The following DCDC1 variants were observed in gnomAD, a reference collection of about 807,000 sequenced individuals.
The protein encoded by DCDC1 is doublecortin domain-containing protein 1.
A neutral mutation model predicts 178.3 loss-of-function variants in DCDC1; 200 were observed. That is an observed-to-expected ratio of 1.12 (90% CI 1.00 to 1.26). The LOEUF (loss-of-function observed/expected upper bound fraction) is 1.26. Ranked by LOEUF, DCDC1 falls within the 50% of genes most tolerant of loss-of-function variation. The pLI is 0.00. For missense variants in DCDC1, 1,983 were observed against 1,749.2 expected (o/e 1.13, Z -2.38); for synonymous variants, 690 against 604.8 (o/e 1.14, Z -2.07).
At chr11:31,157,998 C>T (rs1181397744) in intron 9 of DCDC1, among the ~76,000 whole-genome samples, 1 of 152,130 alleles carries the variant, frequency 6.6e-6, no homozygotes, top group Admixed American at 6.6e-5. Flanking sequence ...AAATCAAGCT[C>T]ATTAACCCAT....
chr11:31,106,042 A>T (rs1433112030), intron 13 of DCDC1, among the ~76,000 whole-genome samples: 1 of 152,200 alleles, frequency 6.6e-6, no homozygotes, highest in Non-Finnish European at 1.5e-5. Context: ...CAAAATATGC[A>T]TAAATTTCCT....
At chr11:31,334,062 A>T (rs1950147390) in intron 2 of DCDC1, among the ~76,000 whole-genome samples, 1 of 152,160 alleles carries the variant, frequency 6.6e-6, no homozygotes, top group Non-Finnish European at 1.5e-5. Flanking sequence ...TAATTCTTGG[A>T]GGCTTTGTTC....
intron 25 of DCDC1, among the ~76,000 whole-genome samples, chr11:30,918,653 AG>A (rs1946031259): frequency 6.6e-6 from 1 of 152,146 alleles, no homozygotes; most frequent in African/African-American, 2.4e-5. Context: ...AGCAGAGAAA[AG>A]AACAAATGAA....
chr11:31,258,955 T>C (rs1480927933), intron 8 of DCDC1, among the ~76,000 whole-genome samples: 5 of 152,082 alleles, frequency 3.3e-5, no homozygotes, highest in Admixed American at 1.3e-4. Context: ...ATTAAGATGT[T>C]TGGAATTCTT....
chr11:31,048,717 C>T (rs945656126), intron 20 of DCDC1, among the ~76,000 whole-genome samples: 3 of 152,006 alleles, frequency 2.0e-5, no homozygotes, highest in African/African-American at 7.2e-5. Flanking sequence ...ATTAGCCAGA[C>T]GTGGTGGCAG....
rs950016360 is a variant in DCDC1 at position 30,997,831 on chromosome 11, G to C, written c.2592-45263C>G. Among the ~76,000 whole-genome samples, 4 of 151,928 alleles carry C rather than the reference G, an allele frequency of 2.6e-5. No homozygotes were observed. The East Asian group carries it at 7.7e-4, about 29-fold the overall frequency. On this transcript the variant is annotated intron_variant, in intron 20 of 38. Coordinates refer to ENST00000684477, the MANE Select transcript of DCDC1 (RefSeq NM_001387274.1). ...TGTGTATGTGTGTGTGTGTGTGTGT[G>C]TGTACACACACTAGCATCCAGACCT...
rs144262928 is a variant in DCDC1, at chr11:30,941,366, C to G, written c.2716-9414G>C. On this transcript the variant is annotated intron_variant, in intron 21 of 38. Coordinates refer to ENST00000684477, the MANE Select transcript of DCDC1 (RefSeq NM_001387274.1). ...AAGGCCTTATAATGACATGGAAGGC[C>G]CTGCATGATCAGTACCTCCTATTTT... Among the ~76,000 whole-genome samples the G allele has an allele frequency of 1.8e-4, 28 of 152,216 alleles. No homozygotes were observed. The South Asian group carries it at 4.1e-3, about 23-fold the overall frequency.
chr11:31,327,728 T>C (rs1372070132), intron 3 of DCDC1, among the ~76,000 whole-genome samples: 5 of 152,056 alleles, frequency 3.3e-5, no homozygotes, highest in Non-Finnish European at 5.9e-5. Context: ...ATATCACCTG[T>C]ACTCAAACAT....
intron 17 of DCDC1, among the ~76,000 whole-genome samples, chr11:31,082,648 T>C (rs1323948819): frequency 6.6e-6 from 1 of 152,118 alleles, no homozygotes; most frequent in Non-Finnish European, 1.5e-5. Context: ...CATCTACACA[T>C]ATATATGTGC....
chr11:30,951,568 G>A (rs973298082), intron 21 of DCDC1, among the ~76,000 whole-genome samples: 2 of 151,938 alleles, frequency 1.3e-5, no homozygotes, highest in Non-Finnish European at 2.9e-5. Context: ...TGATCTAATG[G>A]AAAATTATTA....
At chr11:31,050,068 C>A (rs1955139363) in intron 20 of DCDC1, among the ~76,000 whole-genome samples, 1 of 152,140 alleles carries the variant, frequency 6.6e-6, no homozygotes. Context: ...AGAACTAAAG[C>A]CCTTTTCTGT....
chr11:30,987,286 G>A (rs1318241805), intron 20 of DCDC1, among the ~76,000 whole-genome samples: 1 of 152,094 alleles, frequency 6.6e-6, no homozygotes, highest in East Asian at 1.9e-4. Flanking sequence ...CAAAGTGCTG[G>A]GATTACAGAC....
At chr11:31,092,926 C>A (rs1002827209) in intron 16 of DCDC1, among the ~76,000 whole-genome samples, 5 of 152,070 alleles carry the variant, frequency 3.3e-5, no homozygotes, top group African/African-American at 1.2e-4. Flanking sequence ...TCAAAGAGAC[C>A]AAGAATCTTT....
intron 3 of DCDC1, among the ~76,000 whole-genome samples, chr11:31,314,017 C>A (rs1208389635): frequency 6.6e-6 from 1 of 152,152 alleles, no homozygotes; most frequent in Admixed American, 6.5e-5. Flanking sequence ...TATAAACAGA[C>A]AAAGTAGTTC....
At chr11:30,973,240 C>T (rs1211754099) in intron 20 of DCDC1, among the ~76,000 whole-genome samples, 5 of 149,498 alleles carry the variant, frequency 3.3e-5, no homozygotes, top group Admixed American at 2.0e-4. Flanking sequence ...CACCACTGCA[C>T]TCCAACCTGG....
chr11:30,890,087 G>A (rs1943644573), intron 36 of DCDC1, among the ~76,000 whole-genome samples: 1 of 152,134 alleles, frequency 6.6e-6, no homozygotes, highest in Non-Finnish European at 1.5e-5. Flanking sequence ...CTGTCTGTAA[G>A]CCAAAAAGGG....
chr11:31,065,641 T>C (rs1956205687), intron 18 of DCDC1, among the ~76,000 whole-genome samples: 1 of 152,190 alleles, frequency 6.6e-6, no homozygotes, highest in African/African-American at 2.4e-5. Flanking sequence ...CATATGTCTA[T>C]GAACATAGAA....
chr11:31,236,315 C>T (rs1350502649), intron 9 of DCDC1, among the ~76,000 whole-genome samples: 1 of 152,004 alleles, frequency 6.6e-6, no homozygotes, highest in Non-Finnish European at 1.5e-5. Context: ...TCTTTATCAA[C>T]ATTTTATGTG....
At chr11:31,040,472 A>G (rs1382308776) in intron 20 of DCDC1, among the ~76,000 whole-genome samples, 1 of 152,220 alleles carries the variant, frequency 6.6e-6, no homozygotes, top group East Asian at 1.9e-4. Context: ...TATAGTTAAA[A>G]GAAGACTAGA....
Sources: allele counts gnomAD v4.1 joint callset (sites outside exome capture counted in the v4.1 genomes callset), GRCh38; gene constraint gnomAD v4.1.1; transcripts MANE v1.5; gene names NCBI Gene and HGNC (gene_info 2026-07-23, HGNC 2026-07-21).